LIPM: variants seen among roughly 807,000 people sequenced by gnomAD.
The protein encoded by LIPM is lipase member M.
A neutral mutation model predicts 42.4 loss-of-function variants in LIPM; 42 were observed. The ratio of observed to expected loss-of-function variants is 0.99; its 90% confidence interval spans 0.77 to 1.28. The LOEUF (loss-of-function observed/expected upper bound fraction) is 1.28, where lower values mean the gene tolerates loss of function less well. Among genes scored for constraint, LIPM ranks in the 50% most tolerant of loss-of-function variants. The pLI is 0.00. For synonymous variants in LIPM, 177 were observed against 173.3 expected (o/e 1.02, Z -0.17); for missense variants, 524 against 520.1 (o/e 1.01, Z -0.07).
rs767470812 is a variant in LIPM at position 88,808,416 on chromosome 10, G to A, written c.265+1G>A. ...GGCCTAGTGCAACCTAAGAAGACAG[G>A]TGTGGGTCACCCCATGTCACCGCAA... On this transcript the variant is annotated splice_donor_variant, in intron 2 of 8. Transcript: ENST00000404743. LOFTEE classifies it high-confidence loss of function. 4.8e-5 allele frequency: 73 copies of A among 1,517,536 alleles called. No homozygotes were observed. The highest frequency in any genetic ancestry group is 6.3e-5 in the Non-Finnish European group (70 of 1,115,788). 94.0% of individuals were successfully genotyped at this position (1,517,536 alleles called of 1,614,324 possible).
intron 2 of LIPM, among the ~76,000 whole-genome samples, chr10:88,812,278 A>T (rs561695476): frequency 6.6e-6 from 1 of 152,290 alleles, no homozygotes; most frequent in South Asian, 2.1e-4. Context: ...AACTTTAATG[A>T]CTTCATTAAG....
chr10:88,810,813 T>C (rs563431370), intron 2 of LIPM, among the ~76,000 whole-genome samples: 7 of 152,078 alleles, frequency 4.6e-5, no homozygotes, highest in Non-Finnish European at 1.0e-4. Context: ...AAGAACAAAC[T>C]ATATGACTAA....
At chr10:88,815,330 T>C (rs1411255630) in intron 5 of LIPM, 27 bp from the exon 6 acceptor site, 6 of 1,550,984 alleles carry the variant, frequency 3.9e-6, no homozygotes, top group Non-Finnish European at 5.2e-6. Flanking sequence ...CTGTCTGTCA[T>C]GTCTATGTCA....
rs548797969 is a variant in LIPM at position 88,818,243 on chromosome 10, A to G, written c.1002+347A>G. Among the ~76,000 whole-genome samples the G allele has an allele frequency of 5.9e-5, 9 of 152,308 alleles. No homozygotes were observed. In the East Asian group the frequency reaches 1.7e-3, roughly 29 times the overall value. ...GAATTAAAAAAAATGGGATGGTGGC[A>G]GTAAGTTTGTTTCATGGCACAGTAA... On this transcript the variant is annotated intron_variant, in intron 8 of 8. Coordinates refer to ENST00000404743, the MANE Select transcript of LIPM (RefSeq NM_001128215.1).
In LIPM at chr10:88,820,336, C is replaced by G. The variant is rs1407057563; in HGVS notation, c.1107C>G (p.Leu369=). ...LSNPEDVKML[L]SEVTNLIYHK... ...ATCCAGAAGACGTGAAAATGCTGCT[C>G]TCTGAGGTGACCAACCTCATCTACC... The change falls in exon 9 of 9, where the codon CTC becomes CTG. Residue 369 remains leucine, a synonymous_variant. Coordinates refer to ENST00000404743, the MANE Select transcript of LIPM (RefSeq NM_001128215.1). 2 of 1,552,296 alleles carry G rather than the reference C, an allele frequency of 1.3e-6. No homozygotes were observed. Among genetic ancestry groups the G allele is most frequent in the African/African-American group, 1.4e-5 (1 of 73,164 alleles).
intron 3 of LIPM, among the ~76,000 whole-genome samples, chr10:88,814,176 C>A (rs1008943323): frequency 6.6e-6 from 1 of 152,228 alleles, no homozygotes; most frequent in Non-Finnish European, 1.5e-5. Context: ...ACTTCAGCAT[C>A]TTTACAACTA....
intron 3 of LIPM, 114 bp downstream of exon 3, chr10:88,813,409 T>G (rs1257077873): frequency 2.5e-6 from 2 of 798,452 alleles, no homozygotes; most frequent in Admixed American, 3.1e-5. Flanking sequence ...CATCATTATC[T>G]TAACATGATA....
At chr10:88,805,983 C>A in intron 1 of LIPM, 1 of 456,550 alleles carries the variant, frequency 2.2e-6, no homozygotes, top group Non-Finnish European at 4.4e-6. Context: ...GCTGAGATGA[C>A]CAGGCCTTTA....
At chr10:88,813,566 T>A (rs995615674) in intron 3 of LIPM, among the ~76,000 whole-genome samples, 2 of 150,690 alleles carry the variant, frequency 1.3e-5, no homozygotes, top group African/African-American at 4.9e-5. Flanking sequence ...GAAGTGTAGA[T>A]CAATTTCCTC....
chr10:88,817,008 G>A (rs2133061951), intron 7 of LIPM, 121 bp downstream of exon 7: 1 of 751,118 alleles, frequency 1.3e-6, no homozygotes, highest in Non-Finnish European at 2.3e-6. Flanking sequence ...ATGAAATGCA[G>A]TATCGTCGAT....
At chr10:88,803,669 T>C (rs1001794499) in intron 1 of LIPM, among the ~76,000 whole-genome samples, 1 of 151,252 alleles carries the variant, frequency 6.6e-6, no homozygotes, top group African/African-American at 2.4e-5. Flanking sequence ...AGCTGGGTTT[T>C]AGTAATGGTC....
intron 4 of LIPM, 116 bp from the exon 5 acceptor site, chr10:88,814,972 G>C (rs78132020): frequency 1.1e-6 from 1 of 918,670 alleles, no homozygotes. Context: ...TTTTATAGGA[G>C]AGGTAAGATG....
At position 88,814,548 on chromosome 10, in the gene LIPM, G is replaced by A; in HGVS notation, c.483G>A (p.Arg161=). 1.3e-6 allele frequency: 2 copies of A among 1,551,190 alleles called. No individual in the cohort carries two copies. Among genetic ancestry groups the A allele is most frequent in the Non-Finnish European group, 1.7e-6 (2 of 1,146,656 alleles). Residue 161 remains arginine (R), a synonymous_variant, in exon 4 of 9, where the codon AGG becomes AGA. Coordinates refer to ENST00000404743, the MANE Select transcript of LIPM (RefSeq NM_001128215.1). ...FWAFSYDEMA[R]FDLPAVINFI... is the part of the protein sequence containing the mutation. ...CTTGTAGTTATGATGAGATGGCTAG[G>A]TTTGACCTTCCTGCAGTGATAAACT...
chr10:88,809,803 T>A (rs1389763985), intron 2 of LIPM, among the ~76,000 whole-genome samples: 1 of 152,230 alleles, frequency 6.6e-6, no homozygotes, highest in African/African-American at 2.4e-5. Context: ...TCTCACTAGC[T>A]GCACAGCTGC....
chr10:88,815,794 C>T (rs1037633878), intron 6 of LIPM, among the ~76,000 whole-genome samples: 9 of 152,210 alleles, frequency 5.9e-5, no homozygotes, highest in Non-Finnish European at 2.9e-5. Context: ...ACATGTTAGA[C>T]AACAGAGACA....
chr10:88,816,230 G>T (rs1843717117), intron 6 of LIPM, among the ~76,000 whole-genome samples: 1 of 152,084 alleles, frequency 6.6e-6, no homozygotes, highest in African/African-American at 2.4e-5. Flanking sequence ...GCCTACAATT[G>T]GTGCAATCCT....
intron 1 of LIPM, chr10:88,806,008 C>G (rs1299878940): frequency 2.2e-6 from 1 of 456,442 alleles, no homozygotes; most frequent in Admixed American, 2.3e-5. Flanking sequence ...GCAAACAGGT[C>G]AGTCACTGGA....
At chr10:88,813,921 C>T (rs1252667151) in intron 3 of LIPM, among the ~76,000 whole-genome samples, 2 of 152,068 alleles carry the variant, frequency 1.3e-5, no homozygotes, top group Non-Finnish European at 2.9e-5. Flanking sequence ...GAGAACAGCA[C>T]AGGGGAAACC....
At chr10:88,808,947 T>C (rs1843621570) in intron 2 of LIPM, among the ~76,000 whole-genome samples, 1 of 146,672 alleles carries the variant, frequency 6.8e-6, no homozygotes, top group Admixed American at 6.7e-5. Flanking sequence ...TTTTATTTTA[T>C]TTTATTTTAT....
Sources: gnomAD v4.1 joint callset for allele counts (sites outside exome capture counted in the v4.1 genomes callset) on GRCh38, gnomAD v4.1.1 for gene constraint, MANE v1.5 for transcripts, NCBI Gene and HGNC (gene_info 2026-07-23, HGNC 2026-07-21) for gene names.